The following NFIB variants were observed in gnomAD, a reference collection of about 807,000 sequenced individuals.
NFIB encodes the protein nuclear factor 1 B-type.
NFIB carries 11 observed loss-of-function variants against 61.5 expected under a neutral mutation model. That is an observed-to-expected ratio of 0.18 (90% confidence interval 0.11 to 0.30). The LOEUF (loss-of-function observed/expected upper bound fraction) is 0.30. Ranked by LOEUF, NFIB falls within the 10% of genes least tolerant of loss-of-function variation. The pLI is 1.00. For synonymous variants in NFIB, 260 were observed against 216.5 expected (o/e 1.20, Z -1.76); for missense variants, 471 against 608.9 (o/e 0.77, Z 2.38).
At chr9:14,439,665 A>C in the NFIB span, among the ~76,000 whole-genome samples, 1 of 152,088 alleles carries the variant, frequency 6.6e-6, no homozygotes, top group East Asian at 1.9e-4. Context: ...AGGTTGAGGG[A>C]CTGGGCTCTG....
intron 2 of NFIB, among the ~76,000 whole-genome samples, chr9:14,214,011 C>T (rs923099757): frequency 2.6e-5 from 4 of 152,178 alleles, no homozygotes; most frequent in Admixed American, 6.5e-5. Flanking sequence ...ATGCCACCTT[C>T]GGGCTATGCA....
intron 1 of NFIB, among the ~76,000 whole-genome samples, chr9:14,327,633 C>G (rs546243420): frequency 6.6e-6 from 1 of 152,252 alleles, no homozygotes; most frequent in Non-Finnish European, 1.5e-5. Context: ...GAGTAGCCTT[C>G]CCATGGGGTG....
chr9:14,444,049 C>G, the NFIB span, among the ~76,000 whole-genome samples: 1 of 152,110 alleles, frequency 6.6e-6, no homozygotes, highest in Non-Finnish European at 1.5e-5. Context: ...ATCAGCTAAG[C>G]AAAATTATTT....
At chr9:14,434,501 A>G in the NFIB span, among the ~76,000 whole-genome samples, 1 of 152,250 alleles carries the variant, frequency 6.6e-6, no homozygotes. Flanking sequence ...CAGAGACTCA[A>G]AAAGACTTGC....
rs962314243 is a variant in NFIB at position 14,347,886 on chromosome 9, A to AGCGC, written c.109-40370_109-40367dup. 1.6e-3 allele frequency among the ~76,000 whole-genome samples: 238 copies of AGCGC among 151,954 alleles called. 7 individuals are homozygous for AGCGC. The highest frequency in any genetic ancestry group is 5.7e-4 in the Non-Finnish European group (39 of 67,946). ...GTATCCCGCCGCCCAGCAAGGGCCG[A>AGCGC]GCGCGCGCGCGCGCCAGGGAGCTTT... On this transcript the variant is annotated intron_variant, in intron 1 of 8. Coordinates refer to the NFIB transcript ENST00000380934.
chr9:14,288,252 G>C (rs943832248), intron 2 of NFIB, among the ~76,000 whole-genome samples: 9 of 151,910 alleles, frequency 5.9e-5, no homozygotes, highest in African/African-American at 1.9e-4. Flanking sequence ...AACATTTTAA[G>C]ACAATGTGTA....
chr9:14,479,243 T>C, the NFIB span, among the ~76,000 whole-genome samples: 2 of 152,158 alleles, frequency 1.3e-5, no homozygotes, highest in Admixed American at 1.3e-4. Flanking sequence ...TTGTGGGGGA[T>C]TGCAGGGGGC....
exon 1 of NFIB, chr9:14,398,574 A>G: frequency 6.5e-7 from 1 of 1,535,426 alleles, no homozygotes; most frequent in South Asian, 1.2e-5. Context: ...CCAGGGTTAC[A>G]TTTCAGAACT....
intron 6 of NFIB, among the ~76,000 whole-genome samples, chr9:14,138,159 T>C (rs775976260): frequency 6.6e-6 from 1 of 152,068 alleles, no homozygotes; most frequent in Non-Finnish European, 1.5e-5. Context: ...TAGTAAGCTG[T>C]AAAATGGGGT....
chr9:14,519,990 G>A, the NFIB span, among the ~76,000 whole-genome samples: 91 of 151,732 alleles, frequency 6.0e-4, no homozygotes, highest in African/African-American at 1.4e-3. Flanking sequence ...AGTTCTCTAC[G>A]TTATAAACAT....
the NFIB span, among the ~76,000 whole-genome samples, chr9:14,477,266 T>C: frequency 4.5e-4 from 68 of 152,254 alleles, no homozygotes; most frequent in African/African-American, 1.5e-3. Context: ...AAATAACATA[T>C]GCCTATGATT....
At chr9:14,439,286 C>G in the NFIB span, among the ~76,000 whole-genome samples, 1 of 152,148 alleles carries the variant, frequency 6.6e-6, no homozygotes, top group East Asian at 1.9e-4. Context: ...GGGAGGATCC[C>G]TTGAGCCCAG....
At chr9:14,090,575 G>C (rs1725721639) in intron 10 of NFIB, among the ~76,000 whole-genome samples, 1 of 152,070 alleles carries the variant, frequency 6.6e-6, no homozygotes, top group African/African-American at 2.4e-5. Flanking sequence ...TAGAGTCTGA[G>C]CATAGCTGGT....
intron 1 of NFIB, chr9:14,361,148 G>A (rs1302367536): frequency 6.6e-6 from 1 of 151,092 alleles, no homozygotes; most frequent in Non-Finnish European, 1.5e-5. Context: ...GCACATTTTG[G>A]ATGAATTCCC....
intron 1 of NFIB, among the ~76,000 whole-genome samples, chr9:14,395,302 A>G (rs1263241343): frequency 1.3e-5 from 2 of 149,392 alleles, no homozygotes; most frequent in Non-Finnish European, 3.0e-5. Context: ...ATATTTCGGG[A>G]CAGCCAAAAA....
At chr9:14,484,496 A>G in the NFIB span, among the ~76,000 whole-genome samples, 2,443 of 152,292 alleles carry the variant, frequency 0.016, 72 homozygotes, top group African/African-American at 0.056. Flanking sequence ...GTGTTTTTAT[A>G]AGTAACCAGA....
chr9:14,492,363 AAAATAAATAAAT>A, the NFIB span, among the ~76,000 whole-genome samples: 14 of 148,092 alleles, frequency 9.5e-5, 1 homozygote, highest in East Asian at 1.0e-3. Context: ...ACTTTGCCTC[AAAATAAATAAAT>A]AAATAAATAA....
intron 10 of NFIB, among the ~76,000 whole-genome samples, chr9:14,101,486 A>G (rs1434904441): frequency 6.6e-6 from 1 of 152,232 alleles, no homozygotes; most frequent in Non-Finnish European, 1.5e-5. Context: ...CTATCTGAGT[A>G]TGTACCTTTC....
At chr9:14,321,622 A>G (rs1043943874) in intron 1 of NFIB, among the ~76,000 whole-genome samples, 3 of 152,230 alleles carry the variant, frequency 2.0e-5, no homozygotes. Flanking sequence ...GAGGGGCATA[A>G]AGCAGAGAGT....
Sources: allele counts gnomAD v4.1 joint callset (sites outside exome capture counted in the v4.1 genomes callset), GRCh38; gene constraint gnomAD v4.1.1; transcripts MANE v1.5; gene names NCBI Gene and HGNC (gene_info 2026-07-23, HGNC 2026-07-21).